ADGRL3: variants seen among roughly 807,000 people sequenced by gnomAD.
The protein encoded by ADGRL3 is adhesion G protein-coupled receptor L3.
A neutral mutation model predicts 153.5 loss-of-function variants in ADGRL3; 62 were observed. The observed-to-expected ratio is 0.40, with a 90% CI of 0.33 to 0.50. The LOEUF is 0.50. ADGRL3 is among the 20% of genes least tolerant of loss of function. ADGRL3 has a pLI of 0.47. For missense variants in ADGRL3, 1,641 were observed against 1,859.4 expected, an observed-to-expected ratio of 0.88 and a Z score of 2.16; for synonymous variants, 710 against 672.5, an observed-to-expected ratio of 1.06 and a Z score of -0.86.
At chr4:61,824,382 T>A (rs544011904) in intron 9 of ADGRL3, among the ~76,000 whole-genome samples, 18 of 152,346 alleles carry the variant, frequency 1.2e-4, no homozygotes, top group African/African-American at 3.4e-4. Context: ...ATTCTAATGA[T>A]GTATTACAAA....
At chr4:61,299,821 C>T (rs957097338) in intron 1 of ADGRL3, among the ~76,000 whole-genome samples, 2 of 152,088 alleles carry the variant, frequency 1.3e-5, no homozygotes, top group East Asian at 1.9e-4. Context: ...TCACTGTTCC[C>T]TAGCAAGTCT....
At chr4:61,241,982 C>T (rs896418154) in intron 1 of ADGRL3, among the ~76,000 whole-genome samples, 1 of 152,000 alleles carries the variant, frequency 6.6e-6, no homozygotes, top group African/African-American at 2.4e-5. Flanking sequence ...TGGCCAGACC[C>T]CAGGTGCTAT....
chr4:61,456,503 A>G (rs866729353), intron 2 of ADGRL3, among the ~76,000 whole-genome samples: 2 of 127,814 alleles, frequency 1.6e-5, no homozygotes, highest in Middle Eastern at 4.1e-3. Context: ...ATCTATATCT[A>G]TATATATATA....
intron 4 of ADGRL3, among the ~76,000 whole-genome samples, chr4:61,576,757 T>C (rs1306867879): frequency 6.6e-6 from 1 of 151,660 alleles, no homozygotes; most frequent in African/African-American, 2.4e-5. Context: ...CAACTTCTAG[T>C]TGCTACAAAC....
intron 5 of ADGRL3, among the ~76,000 whole-genome samples, chr4:61,646,102 T>C (rs28857253): frequency 0.37 from 56,077 of 151,968 alleles, 12,011 homozygotes; most frequent in Non-Finnish European, 0.5. Context: ...CTGCATTCTT[T>C]ACGTAGTTCT....
Position 62,070,229 on chromosome 4 carries a change from T to C in ADGRL3, c.3953T>C (p.Ile1318Thr). ...TACCTGAGCAACTGTGTGCAAATCATAGACCGTGGCTATAACCATAACGAG... is the reference window on the plus strand; with the variant it reads ...TACCTGAGCAACTGTGTGCAAATCACAGACCGTGGCTATAACCATAACGAG... ...GEYLSNCVQI[I>T]DRGYNHNETA... Residue 1318 changes from isoleucine (I) to threonine (T), a missense_variant, in exon 27 of 27, where the codon ATA becomes ACA. By Grantham distance (89) the Ile-to-Thr change is moderately conservative. Around this residue, in one of 5 missense-constraint regions of ADGRL3, gnomAD observed 517 missense variants for 555.0 expected, o/e 0.93. Coordinates refer to ENST00000683033, the MANE Select transcript of ADGRL3 (RefSeq NM_001387552.1). 6.2e-7 allele frequency: 1 copy of C among 1,613,844 alleles called. No homozygotes were observed. Among genetic ancestry groups the C allele is most frequent in the Non-Finnish European group, 8.5e-7 (1 of 1,179,934 alleles).
intron 1 of ADGRL3, among the ~76,000 whole-genome samples, chr4:61,349,186 G>T (rs1169003514): frequency 6.6e-6 from 1 of 151,970 alleles, no homozygotes; most frequent in Non-Finnish European, 1.5e-5. Flanking sequence ...AAAAATAACA[G>T]AACATTTTGA....
rs185067231 is a variant in ADGRL3, at chr4:61,321,649, G to A, written c.-239-61475G>A. ...CCTGTTGCTCCTAGACTACAAATCT[G>A]TACACTACTGAATACTGAAGATAAT... On this transcript the variant is annotated intron_variant, in intron 1 of 26. Transcript: ENST00000683033. Among the ~76,000 whole-genome samples, 41 of 151,146 alleles carry A rather than the reference G, an allele frequency of 2.7e-4. No individual in the cohort carries two copies. In the East Asian group the frequency reaches 7.6e-3, roughly 28 times the overall value.
At chr4:61,898,029 G>A (rs1346240523) in intron 11 of ADGRL3, among the ~76,000 whole-genome samples, 1 of 152,018 alleles carries the variant, frequency 6.6e-6, no homozygotes, top group Non-Finnish European at 1.5e-5. Context: ...AGCCCCAGGT[G>A]GCCTTTCAGA....
At chr4:61,424,822 A>G (rs563419799) in intron 2 of ADGRL3, among the ~76,000 whole-genome samples, 26 of 152,098 alleles carry the variant, frequency 1.7e-4, no homozygotes, top group Non-Finnish European at 3.7e-4. Context: ...TACAGTAATG[A>G]CACCTGCTCC....
intron 9 of ADGRL3, among the ~76,000 whole-genome samples, chr4:61,830,174 A>G (rs1488052635): frequency 2.0e-5 from 3 of 151,954 alleles, no homozygotes; most frequent in Non-Finnish European, 4.4e-5. Context: ...ATGCCCAGCT[A>G]ATTTTTCTTT....
At chr4:61,352,946 G>C (rs1043727882) in intron 1 of ADGRL3, among the ~76,000 whole-genome samples, 2 of 152,120 alleles carry the variant, frequency 1.3e-5, no homozygotes, top group African/African-American at 4.8e-5. Context: ...TTCCAAGTGT[G>C]CTAGTATCCA....
intron 4 of ADGRL3, among the ~76,000 whole-genome samples, chr4:61,545,761 T>C (rs1324661642): frequency 6.6e-6 from 1 of 152,130 alleles, no homozygotes; most frequent in Non-Finnish European, 1.5e-5. Flanking sequence ...GTGATCTTCC[T>C]GCCTCGGCCT....
Position 61,892,958 on chromosome 4 carries a change from G to C in ADGRL3, c.1783G>C (p.Gly595Arg). Reference sequence around the variant, plus strand: ...GCAGCCATGCCCTGCAGGAACTATAGGTAAGTCTGTGCTAAAGCACTAAGT... The same window carrying C: ...GCAGCCATGCCCTGCAGGAACTATACGTAAGTCTGTGCTAAAGCACTAAGT... ...AKQPCPAGTI[G>R]VSTYLCLAPD... Residue 595 changes from glycine to arginine, a missense_variant and splice_region_variant, in exon 10 of 27, where the codon GGT (glycine) becomes CGT (arginine). By Grantham distance (125) the Gly-to-Arg change is moderately radical. Around this residue, in one of 5 missense-constraint regions of ADGRL3, gnomAD observed 734 missense variants for 797.0 expected, o/e 0.92. Coordinates refer to ENST00000683033, the MANE Select transcript of ADGRL3 (RefSeq NM_001387552.1). 1 of 1,512,500 alleles carries C rather than the reference G, an allele frequency of 6.6e-7. No homozygotes were observed. The highest frequency in any genetic ancestry group is 8.8e-7 in the Non-Finnish European group (1 of 1,133,432). 93.7% of individuals were successfully genotyped at this position (1,512,500 alleles called of 1,614,324 possible). A position where few individuals can be genotyped will look rare whatever the true frequency, so the allele number is the denominator to read the frequency against.
intron 21 of ADGRL3, among the ~76,000 whole-genome samples, chr4:62,020,933 A>G (rs2151379384): frequency 6.6e-6 from 1 of 152,258 alleles, no homozygotes; most frequent in East Asian, 1.9e-4. Context: ...GAAAATTCAT[A>G]GCATTTACTA....
At chr4:61,792,313 T>C (rs2097352754) in intron 8 of ADGRL3, among the ~76,000 whole-genome samples, 1 of 152,132 alleles carries the variant, frequency 6.6e-6, no homozygotes, top group Non-Finnish European at 1.5e-5. Context: ...CCAATCTCTT[T>C]GCTAAAACAT....
At chr4:61,439,819 A>T (rs1560635446) in intron 2 of ADGRL3, among the ~76,000 whole-genome samples, 2 of 152,070 alleles carry the variant, frequency 1.3e-5, no homozygotes, top group African/African-American at 4.8e-5. Context: ...TTTAGAAAGC[A>T]TTATTTTCTG....
chr4:61,756,796 C>T (rs923529607), intron 8 of ADGRL3, among the ~76,000 whole-genome samples: 1 of 152,088 alleles, frequency 6.6e-6, no homozygotes, highest in Non-Finnish European at 1.5e-5. Context: ...TATGTCCCAT[C>T]AATACCTAAT....
Position 61,983,466 on chromosome 4 carries a change from T to G in ADGRL3, c.3099T>G (p.Leu1033=). Residue 1033 remains leucine, a synonymous_variant, in exon 19 of 27, where the codon CTT becomes CTG. Transcript: ENST00000683033. The part of the protein sequence containing the change: ...FTWMFLEGVQ[L]YIMLVEVFES... ...GGATGTTCCTGGAGGGGGTGCAGCT[T>G]TATATCATGCTGGTGGAGGTTTTTG... The G allele has an allele frequency of 6.2e-7, 1 of 1,613,944 alleles. No homozygotes were observed. Among genetic ancestry groups the G allele is most frequent in the Non-Finnish European group, 8.5e-7 (1 of 1,179,870 alleles).
Sources: gnomAD v4.1 joint callset for allele counts (sites outside exome capture counted in the v4.1 genomes callset) on GRCh38, gnomAD v4.1.1 for gene constraint, gnomAD v4.1.1 regional missense constraint, MANE v1.5 for transcripts, NCBI Gene and HGNC (gene_info 2026-07-23, HGNC 2026-07-21) for gene names.